The following NKAIN2 variants were observed in gnomAD, a reference collection of about 807,000 sequenced individuals.
The protein encoded by NKAIN2 is sodium/potassium transporting ATPase interacting 2.
Under a neutral mutation model 32.6 loss-of-function variants are expected in NKAIN2, and 14 were observed. The ratio of observed to expected loss-of-function variants is 0.43; its 90% CI spans 0.28 to 0.67. The LOEUF (loss-of-function observed/expected upper bound fraction) is 0.67. Among genes scored for constraint, NKAIN2 ranks in the 30% least tolerant of loss-of-function variants. The pLI is 0.17. For missense variants in NKAIN2, 198 were observed against 258.3 expected (o/e 0.77, Z 1.60); for synonymous variants, 80 against 87.2 (o/e 0.92, Z 0.46).
intron 1 of NKAIN2, among the ~76,000 whole-genome samples, chr6:123,887,561 T>G (rs1773785498): frequency 1.3e-5 from 2 of 152,268 alleles, no homozygotes; most frequent in South Asian, 4.1e-4. Flanking sequence ...GTACCTTCAG[T>G]TCCTGCACAC....
chr6:124,017,994 T>C (rs995103800), intron 1 of NKAIN2, among the ~76,000 whole-genome samples: 1 of 152,212 alleles, frequency 6.6e-6, no homozygotes, highest in African/African-American at 2.4e-5. Context: ...AGGTTGTTCA[T>C]AGGGGCTTCA....
At chr6:124,679,094 C>T (rs1209173976) in intron 4 of NKAIN2, among the ~76,000 whole-genome samples, 1 of 152,044 alleles carries the variant, frequency 6.6e-6, no homozygotes, top group East Asian at 1.9e-4. Flanking sequence ...TATACTAGGT[C>T]TCATTAGGAC....
chr6:124,753,385 A>C (rs1294705184), intron 4 of NKAIN2, among the ~76,000 whole-genome samples: 1 of 152,122 alleles, frequency 6.6e-6, no homozygotes, highest in African/African-American at 2.4e-5. Context: ...TTAGCATAAA[A>C]TTGTATTCAG....
intron 4 of NKAIN2, among the ~76,000 whole-genome samples, chr6:124,736,515 A>G (rs1233977022): frequency 6.6e-6 from 1 of 151,952 alleles, no homozygotes; most frequent in African/African-American, 2.4e-5. Context: ...CCTGGCTTCA[A>G]AACTTCAAAT....
chr6:124,519,004 C>T (rs1779026815), intron 3 of NKAIN2, among the ~76,000 whole-genome samples: 1 of 152,146 alleles, frequency 6.6e-6, no homozygotes, highest in South Asian at 2.1e-4. Flanking sequence ...AGTACAAGAA[C>T]CAGGATGGAC....
intron 3 of NKAIN2, among the ~76,000 whole-genome samples, chr6:124,438,525 G>GATACAA (rs777245955): frequency 4.6e-5 from 7 of 152,152 alleles, no homozygotes; most frequent in Non-Finnish European, 1.0e-4. Context: ...AGAAAAGAAA[G>GATACAA]AAGAGAAATC....
intron 5 of NKAIN2, among the ~76,000 whole-genome samples, chr6:124,811,196 G>A (rs975742844): frequency 6.6e-6 from 1 of 152,220 alleles, no homozygotes. Flanking sequence ...TTCATTGAAA[G>A]ACATCAAATA....
chr6:124,736,353 A>G (rs1367572637), intron 4 of NKAIN2, among the ~76,000 whole-genome samples: 1 of 151,982 alleles, frequency 6.6e-6, no homozygotes, highest in Admixed American at 6.6e-5. Context: ...GCAAGTGCTG[A>G]TATAGAAGCT....
intron 1 of NKAIN2, among the ~76,000 whole-genome samples, chr6:124,076,297 G>T (rs1224492407): frequency 6.6e-6 from 1 of 152,166 alleles, no homozygotes. Context: ...TCCACTGTCT[G>T]AGCTGGAAAT....
chr6:123,836,930 C>T (rs78429913), intron 1 of NKAIN2, among the ~76,000 whole-genome samples: 1,627 of 152,196 alleles, frequency 0.011, 21 homozygotes, highest in Middle Eastern at 0.027. Flanking sequence ...TCCCCACAAA[C>T]GATGCACATT....
chr6:124,627,823 G>A (rs185446749), intron 3 of NKAIN2, among the ~76,000 whole-genome samples: 63 of 152,054 alleles, frequency 4.1e-4, no homozygotes, highest in African/African-American at 1.4e-3. Context: ...CCCCCACGGC[G>A]ACATTCCAGG....
chr6:124,676,265 T>TTG (rs1773351103), intron 4 of NKAIN2, among the ~76,000 whole-genome samples: 1 of 152,120 alleles, frequency 6.6e-6, no homozygotes, highest in African/African-American at 2.4e-5. Context: ...TTGGAGAATG[T>TTG]TGTGTGTGTG....
At chr6:124,808,883 T>C (rs1421767552) in intron 5 of NKAIN2, among the ~76,000 whole-genome samples, 1 of 152,162 alleles carries the variant, frequency 6.6e-6, no homozygotes, top group Admixed American at 6.5e-5. Flanking sequence ...CCATTCACAA[T>C]TGCTTCAAAG....
At chr6:124,480,929 A>G (rs1299133302) in intron 3 of NKAIN2, among the ~76,000 whole-genome samples, 3 of 152,110 alleles carry the variant, frequency 2.0e-5, no homozygotes, top group African/African-American at 7.2e-5. Context: ...AGAAGATCCT[A>G]TATACAACCC....
At position 124,429,345 on chromosome 6, in the gene NKAIN2, G is replaced by A. The variant is rs77970502; in HGVS notation, c.273+73998G>A. Among the ~76,000 whole-genome samples, 1,401 of 152,178 alleles carry A rather than the reference G, an allele frequency of 9.2e-3. 17 individuals carry two copies. Among genetic ancestry groups the A allele is most frequent in the African/African-American group, 0.032 (1,337 of 41,526 alleles). On this transcript the variant is annotated intron_variant, in intron 3 of 6. Coordinates refer to ENST00000368417, the MANE Select transcript of NKAIN2 (RefSeq NM_001040214.3). ...TTACTGGCGTGAGCCACTGCGCCTGGCCCATATTTTTTCTTTTTGAATTTC... is the reference window on the plus strand; with the variant it reads ...TTACTGGCGTGAGCCACTGCGCCTGACCCATATTTTTTCTTTTTGAATTTC...
At chr6:124,425,009 T>G (rs73578458) in intron 3 of NKAIN2, among the ~76,000 whole-genome samples, 11,122 of 152,172 alleles carry the variant, frequency 0.073, 1,344 homozygotes, top group African/African-American at 0.25. Context: ...CTATACCAAT[T>G]AACATTCCCA....
intron 5 of NKAIN2, among the ~76,000 whole-genome samples, chr6:124,794,010 CA>C (rs1484762153): frequency 6.6e-6 from 1 of 152,064 alleles, no homozygotes; most frequent in African/African-American, 2.4e-5. Context: ...ATGGATGAGG[CA>C]GGGTAGGAAG....
At chr6:124,750,113 AT>A (rs1414815637) in intron 4 of NKAIN2, among the ~76,000 whole-genome samples, 1 of 151,896 alleles carries the variant, frequency 6.6e-6, no homozygotes, top group Non-Finnish European at 1.5e-5. Flanking sequence ...GCAAAATGGG[AT>A]TATTAAAACC....
intron 1 of NKAIN2, among the ~76,000 whole-genome samples, chr6:123,950,916 A>G (rs1443992951): frequency 6.6e-6 from 1 of 151,814 alleles, no homozygotes; most frequent in Admixed American, 6.6e-5. Flanking sequence ...TTTCTGATGT[A>G]AGTGTTTATT....
Sources: gnomAD v4.1 joint callset for allele counts (sites outside exome capture counted in the v4.1 genomes callset) on GRCh38, gnomAD v4.1.1 for gene constraint, MANE v1.5 for transcripts, NCBI Gene and HGNC (gene_info 2026-07-23, HGNC 2026-07-21) for gene names.